Variants in SP4 observed in about 807,000 individuals in gnomAD.
The protein encoded by SP4 is transcription factor Sp4.
In SP4, 19 loss-of-function variants were observed where a neutral mutation model predicts 72.8. The observed-to-expected ratio is 0.26, with a 90% confidence interval of 0.18 to 0.38. SP4 has a LOEUF of 0.38. Ranked by LOEUF, SP4 falls within the 10% of genes least tolerant of loss-of-function variation. The pLI is 1.00. For synonymous variants in SP4, 395 were observed against 333.1 expected, an observed-to-expected ratio of 1.19 and a Z score of -2.02; for missense variants, 1,008 against 926.3, an observed-to-expected ratio of 1.09 and a Z score of -1.14.
intron 3 of SP4, among the ~76,000 whole-genome samples, chr7:21,442,130 C>T (rs1486574104): frequency 6.6e-6 from 1 of 151,088 alleles, no homozygotes; most frequent in African/African-American, 2.4e-5. Flanking sequence ...CCTCTGCCTC[C>T]CAGGTTCAAG....
At chr7:21,490,034 G>A (rs553902002) in intron 5 of SP4, among the ~76,000 whole-genome samples, 1 of 152,296 alleles carries the variant, frequency 6.6e-6, no homozygotes, top group East Asian at 1.9e-4. Context: ...GGCCAGAATG[G>A]ACCAAGTTAT....
intron 3 of SP4, among the ~76,000 whole-genome samples, chr7:21,465,098 C>A (rs1368326110): frequency 6.6e-6 from 1 of 152,102 alleles, no homozygotes; most frequent in Non-Finnish European, 1.5e-5. Flanking sequence ...TCAACATAAA[C>A]AGAGTTGAGA....
intron 3 of SP4, among the ~76,000 whole-genome samples, chr7:21,448,054 CG>C (rs1168997255): frequency 2.0e-5 from 3 of 152,006 alleles, no homozygotes; most frequent in African/African-American, 7.3e-5. Context: ...AATGACCCCC[CG>C]TGAAGAATTT....
chr7:21,429,054 C>T (rs932419053), intron 2 of SP4, among the ~76,000 whole-genome samples: 2 of 152,160 alleles, frequency 1.3e-5, no homozygotes, highest in South Asian at 4.1e-4. Context: ...GAACATAACA[C>T]TTTACAAAGT....
intron 3 of SP4, among the ~76,000 whole-genome samples, chr7:21,468,578 T>A (rs1426773330): frequency 6.6e-6 from 1 of 152,016 alleles, no homozygotes; most frequent in Non-Finnish European, 1.5e-5. Flanking sequence ...GTTGCTTTTT[T>A]ATGTTGCTCT....
chr7:21,476,906 G>A (rs996869192), intron 3 of SP4, among the ~76,000 whole-genome samples, 173 bp from the exon 4 acceptor site: 3 of 152,128 alleles, frequency 2.0e-5, no homozygotes, highest in Admixed American at 1.3e-4. Flanking sequence ...AGCCACTAAA[G>A]TAAGAATACT....
chr7:21,476,273 CAAAAAAAAAAAAA>C (rs753166936), intron 3 of SP4, among the ~76,000 whole-genome samples: 1 of 49,656 alleles, frequency 2.0e-5, no homozygotes. Flanking sequence ...GACTCCATCT[CAAAAAAAAAAAAA>C]AAAAAAAAAA....
At chr7:21,461,843 C>CT (rs60671189) in intron 3 of SP4, among the ~76,000 whole-genome samples, 32,737 of 151,864 alleles carry the variant, frequency 0.22, 3,680 homozygotes, top group Middle Eastern at 0.44. Context: ...AATGGATAGA[C>CT]CTTTAAAGTT....
rs1052973108 is a variant in SP4 at position 21,513,676 on chromosome 7, T to A, written c.*2407T>A. On this transcript the variant is annotated 3_prime_UTR_variant, in exon 6 of 6. Transcript: ENST00000222584. ...TTGTTAATACCAAGTATGAACACTC[T>A]GCATCATTATTCCATGAACCAGTTC... 4 of 152,250 alleles carry A rather than the reference T, an allele frequency of 2.6e-5. No individual in the cohort carries two copies. In the South Asian group the frequency reaches 8.3e-4, roughly 32 times the overall value. The allele number at this position is 152,250 out of a possible 1,614,324, so 9.4% of individuals were successfully genotyped here. A position where few individuals can be genotyped will look rare whatever the true frequency, so the allele number is the denominator to read the frequency against.
At chr7:21,438,633 CCTCTT>C (rs1333871767) in intron 3 of SP4, among the ~76,000 whole-genome samples, 1 of 151,982 alleles carries the variant, frequency 6.6e-6, no homozygotes, top group Non-Finnish European at 1.5e-5. Context: ...ATAGTAGTCT[CCTCTT>C]ATCTGTGGGT....
Position 21,430,815 on chromosome 7 carries a change from A to G in SP4, c.1650A>G (p.Gly550=), listed in dbSNP as rs1200935518. The change falls in exon 3 of 6, where the codon GGA becomes GGG. Residue 550 remains glycine (G), a synonymous_variant. Transcript: ENST00000222584. ...NLGAAGVQVQ[G]VPVTITSVAG... is the part of the protein sequence containing the mutation. ...GTGCTGCAGGTGTTCAAGTGCAGGGAGTTCCCGTTACAATCACTAGTGTTG... is the reference window on the plus strand; with the variant it reads ...GTGCTGCAGGTGTTCAAGTGCAGGGGGTTCCCGTTACAATCACTAGTGTTG... The G allele has an allele frequency of 5.0e-6, 8 of 1,612,880 alleles. No homozygotes were observed. In the South Asian group the frequency reaches 8.8e-5, roughly 18 times the overall value.
intron 3 of SP4, among the ~76,000 whole-genome samples, chr7:21,462,154 T>C (rs891398271): frequency 3.3e-5 from 5 of 151,974 alleles, no homozygotes; most frequent in African/African-American, 1.2e-4. Context: ...GCCTCCCAAG[T>C]AGCTGGGACT....
intron 5 of SP4, among the ~76,000 whole-genome samples, chr7:21,493,747 A>G (rs961645112): frequency 6.6e-6 from 1 of 152,216 alleles, no homozygotes; most frequent in Non-Finnish European, 1.5e-5. Context: ...GGTTTCATTG[A>G]CAAATTCTAC....
chr7:21,428,748 G>A lies in SP4; in HGVS notation c.79G>A (p.Glu27Lys). 1 of 1,553,080 alleles carries A rather than the reference G, an allele frequency of 6.4e-7. No individual in the cohort carries two copies. Among genetic ancestry groups the A allele is most frequent in the East Asian group, 2.4e-5 (1 of 41,020 alleles). ...AMATEGGKTSEPENNNKKPKT... is the reference protein window; with the variant it reads ...AMATEGGKTSKPENNNKKPKT... Reference sequence around the variant, plus strand: ...GGCTACAGAAGGAGGGAAAACCTCTGAGCCAGAGAATAACAATAAAAAACC... The same window carrying A: ...GGCTACAGAAGGAGGGAAAACCTCTAAGCCAGAGAATAACAATAAAAAACC... Residue 27 changes from glutamate to lysine, a missense_variant, in exon 2 of 6, where the codon GAG becomes AAG. Physicochemically the swap from Glu to Lys is moderately conservative, Grantham distance 56. Transcript: ENST00000222584.
intron 5 of SP4, among the ~76,000 whole-genome samples, chr7:21,501,367 C>T (rs1255093359): frequency 6.6e-6 from 1 of 152,082 alleles, no homozygotes; most frequent in Non-Finnish European, 1.5e-5. Flanking sequence ...TGTTTACTTC[C>T]TTCGGTCTCA....
chr7:21,430,344 T>G lies in SP4; in HGVS notation c.1179T>G (p.Leu393=). ...MQNAQDQSNS[L]QQVQIVGQPI... is the part of the protein sequence containing the mutation. ...ATGCACAGGATCAATCAAATTCTCT[T>G]CAGCAGGTGCAAATTGTAGGCCAAC... The change falls in exon 3 of 6, where the codon CTT becomes CTG. Residue 393 remains leucine, a synonymous_variant. Coordinates refer to ENST00000222584, the MANE Select transcript of SP4 (RefSeq NM_003112.5). 6.2e-7 allele frequency: 1 copy of G among 1,614,210 alleles called. No homozygotes were observed. The highest frequency in any genetic ancestry group is 8.5e-7 in the Non-Finnish European group (1 of 1,180,034).
At chr7:21,469,933 A>C (rs888318733) in intron 3 of SP4, among the ~76,000 whole-genome samples, 2 of 152,090 alleles carry the variant, frequency 1.3e-5, no homozygotes, top group Admixed American at 1.3e-4. Context: ...CAAATGTCAT[A>C]GGAGAAATCT....
chr7:21,510,991 G>T (rs201478923), intron 5 of SP4, 31 bp from the exon 6 acceptor site: 1 of 1,574,204 alleles, frequency 6.4e-7, no homozygotes, highest in Non-Finnish European at 8.6e-7. Context: ...AGCAAAATGT[G>T]TATAACGCCA....
intron 3 of SP4, chr7:21,471,092 G>A (rs765740861): frequency 5.6e-6 from 3 of 534,810 alleles, no homozygotes; most frequent in Non-Finnish European, 1.2e-5. Context: ...GAACATTAGA[G>A]AAGACAGGAG....
Sources: gnomAD v4.1 joint callset for allele counts (sites outside exome capture counted in the v4.1 genomes callset) on GRCh38, gnomAD v4.1.1 for gene constraint, MANE v1.5 for transcripts, NCBI Gene and HGNC (gene_info 2026-07-23, HGNC 2026-07-21) for gene names.